Variants in RHBDL3 observed in about 807,000 individuals in gnomAD.
RHBDL3 encodes rhomboid-related protein 3.
In RHBDL3, 28 loss-of-function variants were observed where a neutral mutation model predicts 48.2. The observed-to-expected ratio is 0.58, with a 90% CI of 0.43 to 0.80. The LOEUF (loss-of-function observed/expected upper bound fraction) is 0.80, where lower values mean the gene tolerates loss of function less well. Ranked by LOEUF, RHBDL3 falls within the 30% of genes least tolerant of loss-of-function variation. The probability of loss-of-function intolerance (pLI) is 0.00; values close to 1 mark genes in which losing one functional copy is unlikely to be tolerated. For synonymous variants in RHBDL3, 208 were observed against 232.3 expected (o/e 0.90, Z 0.95); for missense variants, 464 against 542.7 (o/e 0.85, Z 1.44).
chr17:32,319,187 C>G (rs1173619026), intron 8 of RHBDL3, among the ~76,000 whole-genome samples: 3 of 151,754 alleles, frequency 2.0e-5, no homozygotes, highest in African/African-American at 7.3e-5. Flanking sequence ...CTTTGGGAGG[C>G]CGAGGCGGAC....
chr17:32,302,902 T>C (rs1400887032), intron 6 of RHBDL3, among the ~76,000 whole-genome samples: 1 of 152,190 alleles, frequency 6.6e-6, no homozygotes, highest in East Asian at 1.9e-4. Context: ...TGTGTTCTGC[T>C]CCATGGGTTA....
chr17:32,283,403 G>C (rs768535272), intron 2 of RHBDL3, among the ~76,000 whole-genome samples: 64 of 140,286 alleles, frequency 4.6e-4, no homozygotes, highest in South Asian at 2.5e-3. Flanking sequence ...CTCACTGCAA[G>C]CTCCGCCTCC....
chr17:32,269,565 C>T (rs913031190), intron 2 of RHBDL3, among the ~76,000 whole-genome samples: 1 of 152,202 alleles, frequency 6.6e-6, no homozygotes, highest in African/African-American at 2.4e-5. Flanking sequence ...TCAAAGCATG[C>T]ACTGGCTCCT....
intron 5 of RHBDL3, among the ~76,000 whole-genome samples, chr17:32,297,856 C>T (rs1485307780): frequency 2.0e-5 from 3 of 151,812 alleles, no homozygotes; most frequent in Non-Finnish European, 4.4e-5. Context: ...TGAAATGCTG[C>T]CAGTCACGCC....
rs566433440 is a variant in RHBDL3, at chr17:32,297,505, G to A, written c.669-587G>A. ...AAAACAAACAAACAAAAAACAAAGA[G>A]AGCCAGAATGACCACATGGCCCAGT... On this transcript the variant is annotated intron_variant, in intron 5 of 8. Transcript: ENST00000269051. 2.0e-5 allele frequency among the ~76,000 whole-genome samples: 3 copies of A among 152,124 alleles called. No homozygotes were observed. In the East Asian group the frequency reaches 5.8e-4, roughly 29 times the overall value.
chr17:32,321,809 A>T lies in RHBDL3; in HGVS notation c.*580A>T, dbSNP rs1309278007. 1.0e-5 allele frequency: 2 copies of T among 195,820 alleles called. No homozygotes were observed. The highest frequency in any genetic ancestry group is 2.1e-5 in the Non-Finnish European group (2 of 93,508). 12.1% of individuals were successfully genotyped at this position (195,820 alleles called of 1,614,324 possible). On this transcript the variant is annotated 3_prime_UTR_variant, in exon 9 of 9. Coordinates refer to ENST00000269051, the MANE Select transcript of RHBDL3 (RefSeq NM_138328.3). ...TGGGCTGGTTGGTGTGCACCGGGGC[A>T]TGATCTGTTGTGCCTGGGTTGGGCA...
chr17:32,291,915 G>A (rs1056235828), intron 4 of RHBDL3, among the ~76,000 whole-genome samples: 1 of 151,694 alleles, frequency 6.6e-6, no homozygotes, highest in Non-Finnish European at 1.5e-5. Flanking sequence ...GGGGTTACAG[G>A]TGCCTGCCAC....
chr17:32,286,152 G>C (rs1436751080), intron 3 of RHBDL3, among the ~76,000 whole-genome samples: 1 of 152,164 alleles, frequency 6.6e-6, no homozygotes, highest in Non-Finnish European at 1.5e-5. Context: ...CAGGCCAAAG[G>C]TTTGAGCCTG....
intron 5 of RHBDL3, among the ~76,000 whole-genome samples, chr17:32,297,520 C>T (rs2040479675): frequency 6.6e-6 from 1 of 152,132 alleles, no homozygotes; most frequent in Non-Finnish European, 1.5e-5. Flanking sequence ...AGAATGACCA[C>T]ATGGCCCAGT....
At chr17:32,302,751 C>G (rs991372477) in intron 6 of RHBDL3, among the ~76,000 whole-genome samples, 2 of 152,010 alleles carry the variant, frequency 1.3e-5, no homozygotes, top group African/African-American at 2.4e-5. Context: ...GTTCCAGAAT[C>G]GGGACCCGAG....
intron 2 of RHBDL3, among the ~76,000 whole-genome samples, chr17:32,273,387 A>T (rs2150691441): frequency 6.6e-6 from 1 of 152,338 alleles, no homozygotes; most frequent in East Asian, 1.9e-4. Context: ...CGGAGACTAG[A>T]TCCCAACCCT....
chr17:32,266,307 G>GCC lies in RHBDL3; in HGVS notation c.111+11_111+12dup. The stretch of plus-strand genomic sequence containing the variant: ...GCCCGCGGCGCCGGAGGACGTGAGT[G>GCC]CCCCCTCCCCGCCCGGCAAACTTTC... On this transcript the variant is annotated splice_region_variant and intron_variant, in intron 1 of 8. Transcript: ENST00000269051. 7.0e-7 allele frequency: 1 copy of GCC among 1,426,990 alleles called. No individual in the cohort carries two copies. Among genetic ancestry groups the GCC allele is most frequent in the Middle Eastern group, 2.4e-4 (1 of 4,096 alleles). The allele number at this position is 1,426,990 out of a possible 1,614,324, so 88.4% of individuals were successfully genotyped here.
chr17:32,298,764 CT>C (rs138361724), intron 6 of RHBDL3, among the ~76,000 whole-genome samples: 2,614 of 152,364 alleles, frequency 0.017, 32 homozygotes, highest in South Asian at 0.055. Context: ...GCCTGACCCA[CT>C]GCTGACAGGG....
intron 2 of RHBDL3, among the ~76,000 whole-genome samples, chr17:32,276,360 A>G (rs979924350): frequency 5.9e-5 from 9 of 152,104 alleles, no homozygotes; most frequent in Admixed American, 3.9e-4. Flanking sequence ...ATTTGCAAGA[A>G]AGCAGAACTG....
At chr17:32,270,116 AAGTG>A (rs1194839460) in intron 2 of RHBDL3, among the ~76,000 whole-genome samples, 1 of 148,666 alleles carries the variant, frequency 6.7e-6, no homozygotes. Context: ...GCCTCCCAAA[AAGTG>A]AGACCCTTTC....
At chr17:32,313,137 A>G (rs186140224) in intron 7 of RHBDL3, among the ~76,000 whole-genome samples, 31 of 152,028 alleles carry the variant, frequency 2.0e-4, no homozygotes, top group African/African-American at 7.0e-4. Context: ...CTGGAGGACC[A>G]CTTGAGGCCA....
At chr17:32,283,902 G>A (rs1253286501) in intron 2 of RHBDL3, among the ~76,000 whole-genome samples, 1 of 152,208 alleles carries the variant, frequency 6.6e-6, no homozygotes, top group Non-Finnish European at 1.5e-5. Context: ...GCTGAGGTGA[G>A]CCTGCCAAGA....
At chr17:32,267,588 C>A (rs560307557) in intron 1 of RHBDL3, 1 of 180,868 alleles carries the variant, frequency 5.5e-6, no homozygotes, top group African/African-American at 2.4e-5. Context: ...CATATTTGGA[C>A]GCCTTTATTT....
intron 1 of RHBDL3, 171 bp from the exon 2 acceptor site, chr17:32,267,731 C>T (rs904756828): frequency 1.5e-6 from 2 of 1,358,598 alleles, no homozygotes; most frequent in Non-Finnish European, 1.9e-6. Context: ...GGGAGCTCCT[C>T]CCAGACTTCC....
Sources: allele counts gnomAD v4.1 joint callset (sites outside exome capture counted in the v4.1 genomes callset), GRCh38; gene constraint gnomAD v4.1.1; transcripts MANE v1.5; gene names NCBI Gene and HGNC (gene_info 2026-07-23, HGNC 2026-07-21).